TTBK2: variants seen among roughly 807,000 people sequenced by gnomAD.
TTBK2 encodes tau tubulin kinase 2, also known as tau-tubulin kinase 2.
Under a neutral mutation model 110.8 loss-of-function variants are expected in TTBK2, and 28 were observed. The ratio of observed to expected loss-of-function variants is 0.25; its 90% CI spans 0.19 to 0.35. The LOEUF is 0.35. Ranked by LOEUF, TTBK2 falls within the 10% of genes least tolerant of loss-of-function variation. TTBK2 has a pLI of 1.00. For missense variants in TTBK2, 1,369 were observed against 1,500.3 expected, an observed-to-expected ratio of 0.91 and a Z score of 1.45; for synonymous variants, 532 against 527.3, an observed-to-expected ratio of 1.01 and a Z score of -0.12.
rs991144043 is a variant in TTBK2, at chr15:42,810,853, T to C, written c.697-114A>G. The stretch of plus-strand genomic sequence containing the variant: ...ACTAGGGAATGAGATAGTGGGTAAT[T>C]AAGCATAAAGCAAGAACTGAGCTCT... On this transcript the variant is annotated intron_variant, in intron 8 of 14. Transcript: ENST00000267890. 59 of 1,256,746 alleles carry C rather than the reference T, an allele frequency of 4.7e-5. 1 individual carries two copies. The African/African-American group carries it at 6.9e-4, about 15-fold the overall frequency. 77.8% of individuals were successfully genotyped at this position (1,256,746 alleles called of 1,614,324 possible).
chr15:42,850,269 CCTT>C (rs199916322), intron 3 of TTBK2, among the ~76,000 whole-genome samples: 1 of 152,292 alleles, frequency 6.6e-6, no homozygotes, highest in East Asian at 1.9e-4. Flanking sequence ...CTTTCCTCCT[CCTT>C]GAGTCAGAAC....
intron 9 of TTBK2, chr15:42,802,428 C>T: frequency 1.4e-6 from 1 of 720,592 alleles, no homozygotes; most frequent in Non-Finnish European, 2.6e-6. Context: ...GCGGGCCGAA[C>T]CAGACGGAAT....
At chr15:42,815,958 A>AAATATATATATATATATATATATAT (rs71108183) in intron 7 of TTBK2, among the ~76,000 whole-genome samples, 3 of 91,692 alleles carry the variant, frequency 3.3e-5, no homozygotes, top group African/African-American at 1.9e-4. Flanking sequence ...TTAAAAAAAA[A>AAATATATATATATATATATATATAT]ATATATATAT....
intron 6 of TTBK2, among the ~76,000 whole-genome samples, chr15:42,821,984 C>T (rs1475440892): frequency 1.3e-5 from 2 of 151,618 alleles, no homozygotes; most frequent in Non-Finnish European, 2.9e-5. Context: ...GCCACCATGC[C>T]CAGCCTCTTG....
intron 11 of TTBK2, among the ~76,000 whole-genome samples, chr15:42,779,003 G>A (rs1890062131): frequency 6.6e-6 from 1 of 152,214 alleles, no homozygotes; most frequent in Non-Finnish European, 1.5e-5. Context: ...AGCTGGGAAG[G>A]AAAGATGAAG....
chr15:42,840,544 A>G, intron 3 of TTBK2, 111 bp from the exon 4 acceptor site: 1 of 978,462 alleles, frequency 1.0e-6, no homozygotes. Context: ...ATACATCTTG[A>G]GAACCTTAAG....
At chr15:42,910,407 T>C (rs2141209799) in intron 1 of TTBK2, among the ~76,000 whole-genome samples, 1 of 152,366 alleles carries the variant, frequency 6.6e-6, no homozygotes, top group South Asian at 2.1e-4. Flanking sequence ...CAAGAGCATC[T>C]ACTCATTCAC....
At chr15:42,779,962 G>A (rs145886801) in intron 11 of TTBK2, among the ~76,000 whole-genome samples, 2 of 151,908 alleles carry the variant, frequency 1.3e-5, no homozygotes, top group African/African-American at 4.8e-5. Context: ...CTAGGTGACA[G>A]AGCGAGACTC....
chr15:42,775,268 G>A lies in TTBK2; in HGVS notation c.1865C>T (p.Ala622Val). ...ETSGVVLALS[A>V]EGPPTAASEQ... ...TGAAGCAGCAGTAGGAGGACCCTCT[G>A]CAGAAAGTGCTAAGACCACACCTGA... Residue 622 changes from alanine (A) to valine (V), a missense_variant, in exon 13 of 15, where the codon GCA (alanine) becomes GTA (valine). Around this residue, in one of 4 missense-constraint regions of TTBK2, gnomAD observed 1,097 missense variants for 1,114.7 expected, o/e 0.98. Coordinates refer to ENST00000267890, the MANE Select transcript of TTBK2 (RefSeq NM_173500.4). 6.2e-7 allele frequency: 1 copy of A among 1,614,192 alleles called. No homozygotes were observed. Among genetic ancestry groups the A allele is most frequent in the Middle Eastern group, 1.6e-4 (1 of 6,062 alleles).
Position 42,878,645 on chromosome 15 carries a change from T to C in TTBK2, c.-28A>G, listed in dbSNP as rs747728265. The C allele has an allele frequency of 1.2e-5, 20 of 1,613,712 alleles. No individual in the cohort carries two copies. The Admixed American group carries it at 1.7e-4, about 13-fold the overall frequency. On this transcript the variant is annotated 5_prime_UTR_variant, in exon 2 of 15. It removes the in-frame stop codon of an upstream open reading frame in the 5' UTR. Coordinates refer to ENST00000267890, the MANE Select transcript of TTBK2 (RefSeq NM_173500.4). ...CAATACACTGATATGGTAGAACAGCTACACAGGCATCCAGTTCCCAAGGGT... is the reference window on the plus strand; with the variant it reads ...CAATACACTGATATGGTAGAACAGCCACACAGGCATCCAGTTCCCAAGGGT...
At chr15:42,822,650 C>G (rs1892352767) in intron 6 of TTBK2, among the ~76,000 whole-genome samples, 1 of 151,926 alleles carries the variant, frequency 6.6e-6, no homozygotes, top group South Asian at 2.1e-4. Context: ...ACTTAAATGT[C>G]AAATTAAGGT....
At chr15:42,855,883 C>T (rs1356305445) in intron 3 of TTBK2, among the ~76,000 whole-genome samples, 3 of 152,094 alleles carry the variant, frequency 2.0e-5, no homozygotes, top group East Asian at 1.9e-4. Flanking sequence ...GGGGTTTCAC[C>T]GTGTTAGCCA....
At chr15:42,912,848 G>A (rs916630209) in intron 1 of TTBK2, among the ~76,000 whole-genome samples, 12 of 151,960 alleles carry the variant, frequency 7.9e-5, no homozygotes, top group South Asian at 2.1e-4. Context: ...AACATAGGCC[G>A]GGCGCGGTGG....
At chr15:42,824,315 C>T (rs566242473) in intron 6 of TTBK2, among the ~76,000 whole-genome samples, 2 of 152,206 alleles carry the variant, frequency 1.3e-5, no homozygotes, top group Admixed American at 6.5e-5. Context: ...CCTCCCCCAC[C>T]AAAACGTGCA....
intron 13 of TTBK2, among the ~76,000 whole-genome samples, chr15:42,773,722 A>G (rs1889776877): frequency 6.6e-6 from 1 of 152,214 alleles, no homozygotes; most frequent in Non-Finnish European, 1.5e-5. Context: ...TACACAGCAT[A>G]ATAGAGTTAA....
intron 13 of TTBK2, among the ~76,000 whole-genome samples, chr15:42,754,358 G>A (rs966489231): frequency 6.6e-6 from 1 of 151,830 alleles, no homozygotes; most frequent in African/African-American, 2.4e-5. Flanking sequence ...TTGGATTAAA[G>A]GTGTAAGCCA....
intron 3 of TTBK2, among the ~76,000 whole-genome samples, chr15:42,854,526 C>T (rs1011971136): frequency 1.1e-4 from 16 of 151,938 alleles, no homozygotes; most frequent in Non-Finnish European, 1.3e-4. Context: ...TTTTGTTATA[C>T]GTTGTTTTGC....
intron 10 of TTBK2, among the ~76,000 whole-genome samples, chr15:42,791,805 A>G (rs1208528751): frequency 6.6e-6 from 1 of 152,078 alleles, no homozygotes; most frequent in Non-Finnish European, 1.5e-5. Flanking sequence ...TTATTAATCA[A>G]TCCTATGTTA....
chr15:42,783,742 G>GA (rs1890278929), intron 10 of TTBK2, 107 bp from the exon 11 acceptor site: 2 of 619,324 alleles, frequency 3.2e-6, no homozygotes, highest in Non-Finnish European at 2.5e-6. Context: ...AATTAAGAGA[G>GA]TTAAAAAAAA....
Sources: allele counts gnomAD v4.1 joint callset (sites outside exome capture counted in the v4.1 genomes callset), GRCh38; gene constraint gnomAD v4.1.1; regional missense constraint gnomAD v4.1.1; transcripts MANE v1.5; gene names NCBI Gene and HGNC (gene_info 2026-07-23, HGNC 2026-07-21).